Variants in SNTG1 observed in about 807,000 individuals in gnomAD.
SNTG1 encodes syntrophin gamma 1, also known as gamma-1-syntrophin.
Under a neutral mutation model 74.7 loss-of-function variants are expected in SNTG1, and 39 were observed. That is an observed-to-expected ratio of 0.52 (90% CI 0.40 to 0.68). The LOEUF (loss-of-function observed/expected upper bound fraction) is 0.68. Among genes scored for constraint, SNTG1 ranks in the 30% least tolerant of loss-of-function variants. SNTG1 has a pLI of 0.00. For synonymous variants in SNTG1, 254 were observed against 217.1 expected (o/e 1.17, Z -1.49); for missense variants, 685 against 609.5 (o/e 1.12, Z -1.30).
intron 2 of SNTG1, among the ~76,000 whole-genome samples, chr8:50,252,677 G>A (rs1481877158): frequency 6.6e-6 from 1 of 152,066 alleles, no homozygotes; most frequent in African/African-American, 2.4e-5. Flanking sequence ...AGGGAGTGGG[G>A]AAATGCCACG....
At chr8:50,384,689 A>AGATGGTTAGTG (rs1355333033) in intron 2 of SNTG1, among the ~76,000 whole-genome samples, 18 of 152,128 alleles carry the variant, frequency 1.2e-4, no homozygotes, top group Admixed American at 9.8e-4. Flanking sequence ...AACCCAAGTC[A>AGATGGTTAGTG]ACTTTTCTCT....
intron 2 of SNTG1, among the ~76,000 whole-genome samples, chr8:50,245,018 T>C (rs1374184270): frequency 6.6e-6 from 1 of 152,200 alleles, no homozygotes. Flanking sequence ...TTATCATTCT[T>C]GCAACAAAAG....
At chr8:50,095,247 C>T (rs2079884004) in intron 1 of SNTG1, among the ~76,000 whole-genome samples, 2 of 151,726 alleles carry the variant, frequency 1.3e-5, no homozygotes, top group African/African-American at 4.9e-5. Flanking sequence ...GCACACCAAA[C>T]CCCAGCAATG....
chr8:50,591,824 C>A (rs1354701589), intron 13 of SNTG1, among the ~76,000 whole-genome samples: 4 of 152,190 alleles, frequency 2.6e-5, no homozygotes, highest in Non-Finnish European at 5.9e-5. Flanking sequence ...GAGGTCCCCT[C>A]CCTCCTACCT....
At chr8:49,928,845 A>C (rs1441794563) in intron 1 of SNTG1, among the ~76,000 whole-genome samples, 1 of 152,158 alleles carries the variant, frequency 6.6e-6, no homozygotes, top group Non-Finnish European at 1.5e-5. Context: ...TAGGACATGC[A>C]TAATTTATAA....
intron 8 of SNTG1, among the ~76,000 whole-genome samples, chr8:50,484,402 A>T (rs541736885): frequency 1.3e-5 from 2 of 151,420 alleles, no homozygotes; most frequent in East Asian, 4.0e-4. Context: ...TTTAGTAGAG[A>T]TGGGGTTTCA....
intron 4 of SNTG1, among the ~76,000 whole-genome samples, chr8:50,405,279 G>C (rs1356232819): frequency 6.6e-6 from 1 of 151,968 alleles, no homozygotes; most frequent in Admixed American, 6.6e-5. Context: ...AAAATACAAG[G>C]GTTCCAAGTT....
At chr8:50,282,061 G>T (rs11780982) in intron 2 of SNTG1, among the ~76,000 whole-genome samples, 4,479 of 152,190 alleles carry the variant, frequency 0.029, 99 homozygotes, top group Middle Eastern at 0.071. Context: ...TAATGGCTAA[G>T]GTCAGCCTGA....
intron 2 of SNTG1, among the ~76,000 whole-genome samples, chr8:50,364,804 T>C (rs771979629): frequency 2.0e-5 from 3 of 152,088 alleles, no homozygotes; most frequent in African/African-American, 7.2e-5. Context: ...TTGTTCTTTT[T>C]TATTGCAGTA....
chr8:50,603,949 G>A (rs1486200025), intron 13 of SNTG1, among the ~76,000 whole-genome samples: 1 of 152,130 alleles, frequency 6.6e-6, no homozygotes, highest in Non-Finnish European at 1.5e-5. Flanking sequence ...TCTAGCTCAA[G>A]GCCAGCTGTG....
At chr8:50,613,571 A>G (rs2094865909) in intron 13 of SNTG1, among the ~76,000 whole-genome samples, 1 of 152,194 alleles carries the variant, frequency 6.6e-6, no homozygotes, top group Admixed American at 6.5e-5. Flanking sequence ...TTTGGGAAGC[A>G]CAGATATCAT....
In SNTG1 at chr8:50,359,838, A is replaced by G. The variant is rs540241317; in HGVS notation, c.-27-34374A>G. Among the ~76,000 whole-genome samples, 12 of 152,234 alleles carry G rather than the reference A, an allele frequency of 7.9e-5. 1 individual carries two copies. Among genetic ancestry groups the G allele is most frequent in the African/African-American group, 2.6e-4 (11 of 41,548 alleles). ...TTTCTGTTTGCATCTTTCAATACTT[A>G]TTTCACATTTAAGCTTCTAGTTTTC... On this transcript the variant is annotated intron_variant, in intron 2 of 18. Transcript: ENST00000642720.
chr8:50,320,892 C>A (rs2090503151), intron 2 of SNTG1, among the ~76,000 whole-genome samples: 1 of 152,036 alleles, frequency 6.6e-6, no homozygotes, highest in Non-Finnish European at 1.5e-5. Context: ...GACATTATTT[C>A]ATTTTGTTAA....
chr8:50,546,611 G>A (rs2094390182), intron 11 of SNTG1, among the ~76,000 whole-genome samples: 1 of 145,716 alleles, frequency 6.9e-6, no homozygotes, highest in Admixed American at 7.2e-5. Flanking sequence ...CAGTTCCCAT[G>A]TATGAGTGAG....
At chr8:50,339,742 A>T (rs1419417737) in intron 2 of SNTG1, among the ~76,000 whole-genome samples, 1 of 151,930 alleles carries the variant, frequency 6.6e-6, no homozygotes, top group African/African-American at 2.4e-5. Flanking sequence ...AAAGAAACAA[A>T]TAAAAAGGGC....
intron 2 of SNTG1, among the ~76,000 whole-genome samples, chr8:50,346,999 C>A (rs757715676): frequency 1.3e-5 from 2 of 152,204 alleles, no homozygotes; most frequent in Non-Finnish European, 2.9e-5. Flanking sequence ...GTAGAAGCTG[C>A]AGCAAGTTAT....
chr8:49,940,587 T>C (rs1808597662), intron 1 of SNTG1, among the ~76,000 whole-genome samples: 1 of 152,150 alleles, frequency 6.6e-6, no homozygotes, highest in Non-Finnish European at 1.5e-5. Flanking sequence ...GGAGAGACAA[T>C]GTGTTCAACA....
intron 3 of SNTG1, among the ~76,000 whole-genome samples, chr8:50,396,881 A>G (rs908679454): frequency 3.3e-5 from 5 of 152,244 alleles, no homozygotes; most frequent in Non-Finnish European, 5.9e-5. Context: ...TAATAAGTTT[A>G]AATGTGAGAG....
chr8:50,095,749 A>G (rs906997227), intron 1 of SNTG1, among the ~76,000 whole-genome samples: 6 of 152,044 alleles, frequency 3.9e-5, no homozygotes, highest in African/African-American at 1.4e-4. Flanking sequence ...ATACAGGTAA[A>G]AAAATGTGGA....
Sources: gnomAD v4.1 joint callset for allele counts (sites outside exome capture counted in the v4.1 genomes callset) on GRCh38, gnomAD v4.1.1 for gene constraint, MANE v1.5 for transcripts, NCBI Gene and HGNC (gene_info 2026-07-23, HGNC 2026-07-21) for gene names.